The following CD3D variants were observed in gnomAD, a reference collection of about 807,000 sequenced individuals.
CD3D encodes the protein T-cell surface glycoprotein CD3 delta chain.
Under a neutral mutation model 22.0 loss-of-function variants are expected in CD3D, and 22 were observed. That is an observed-to-expected ratio of 1.00 (90% CI 0.71 to 1.43). The LOEUF (loss-of-function observed/expected upper bound fraction) is 1.43. Among genes scored for constraint, CD3D ranks in the 40% most tolerant of loss-of-function variants. CD3D has a pLI of 0.00. For missense variants in CD3D, 205 were observed against 211.7 expected, an observed-to-expected ratio of 0.97 and a Z score of 0.20; for synonymous variants, 74 against 81.2, an observed-to-expected ratio of 0.91 and a Z score of 0.48.
intron 1 of CD3D, 101 bp from the exon 2 acceptor site, chr11:118,340,694 C>A: frequency 1.2e-6 from 1 of 850,442 alleles, no homozygotes; most frequent in South Asian, 1.4e-5. Flanking sequence ...TTTTCCTGGT[C>A]CAGGACAGTT....
At chr11:118,341,496 C>T (rs1055665305) in intron 1 of CD3D, among the ~76,000 whole-genome samples, 24 of 152,198 alleles carry the variant, frequency 1.6e-4, no homozygotes, top group Non-Finnish European at 8.8e-5. Flanking sequence ...GATACAAGAG[C>T]ATCTTCTAGA....
chr11:118,340,614 C>A (rs944042008), intron 1 of CD3D, 21 bp from the exon 2 acceptor site: 42 of 1,519,064 alleles, frequency 2.8e-5, no homozygotes, highest in Non-Finnish European at 3.7e-5. Flanking sequence ...AAAAATATCA[C>A]AGTTGGAGAC....
chr11:118,342,341 T>G (rs1307139644), intron 1 of CD3D, among the ~76,000 whole-genome samples: 3 of 152,080 alleles, frequency 2.0e-5, no homozygotes, highest in African/African-American at 7.2e-5. Context: ...TGGCTAATTC[T>G]TTTGTTTTTT....
At chr11:118,339,006 C>G, downstream of CD3D, 1 of 750,728 alleles carries the variant, frequency 1.3e-6, no homozygotes. Flanking sequence ...GGTAGGAGGG[C>G]GAGATCCCAA....
In CD3D at chr11:118,340,898, T is replaced by G. The variant is rs1480937309; in HGVS notation, c.56-305A>C. ...CCTGGAAATGAATCCAGACCACTGA[T>G]GAGGAGTAGGGGGAGCACGGACCAC... On this transcript the variant is annotated intron_variant, in intron 1 of 4. Transcript: ENST00000300692. The G allele has an allele frequency of 8.5e-6, 5 of 588,490 alleles. No homozygotes were observed. In the East Asian group the frequency reaches 1.9e-4, roughly 23 times the overall value. 36.5% of individuals were successfully genotyped at this position (588,490 alleles called of 1,614,324 possible).
chr11:118,342,613 A>G lies in CD3D; in HGVS notation c.-6T>C. 2 of 1,613,310 alleles carry G rather than the reference A, an allele frequency of 1.2e-6. No homozygotes were observed. The highest frequency in any genetic ancestry group is 2.2e-5 in the East Asian group (1 of 44,866). ...AGAAACGTGCTATGTTCCATCTCCCAGCGGAACTCATCCAGTAGATAAAGC... is the reference window on the plus strand; with the variant it reads ...AGAAACGTGCTATGTTCCATCTCCCGGCGGAACTCATCCAGTAGATAAAGC... On this transcript the variant is annotated 5_prime_UTR_variant, in exon 1 of 5. Coordinates refer to ENST00000300692, the MANE Select transcript of CD3D (RefSeq NM_000732.6).
chr11:118,339,150 C>T lies in CD3D; in HGVS notation c.*12G>A. On this transcript the variant is annotated 3_prime_UTR_variant, in exon 5 of 5. Transcript: ENST00000300692. ...TGGTAATGGCTGCTTCTAGAAGCCA[C>T]CAGTCTCAGGTTCACTTGTTCCGAG... 6.2e-7 allele frequency: 1 copy of T among 1,612,378 alleles called. No individual in the cohort carries two copies. The highest frequency in any genetic ancestry group is 1.1e-5 in the South Asian group (1 of 91,052).
Position 118,339,175 on chromosome 11 carries a change from G to C in CD3D, c.503C>G (p.Ala168Gly). 1.9e-6 allele frequency: 3 copies of C among 1,614,026 alleles called. No homozygotes were observed. Among genetic ancestry groups the C allele is most frequent in the Non-Finnish European group, 2.5e-6 (3 of 1,179,934 alleles). The change falls in exon 5 of 5, where the codon GCT becomes GGT. Residue 168 changes from alanine (A) to glycine (G), a missense_variant. By Grantham distance (60) the Ala-to-Gly change is moderately conservative. Coordinates refer to ENST00000300692, the MANE Select transcript of CD3D (RefSeq NM_000732.6). Reference protein sequence around the residue: ...AQYSHLGGNWARNK With the variant: ...AQYSHLGGNWGRNK ...CCAGTCTCAGGTTCACTTGTTCCGA[G>C]CCCAGTTTCCTCCAAGGTGGCTGTA...
At chr11:118,341,571 G>A (rs1489783975) in intron 1 of CD3D, among the ~76,000 whole-genome samples, 1 of 152,204 alleles carries the variant, frequency 6.6e-6, no homozygotes, top group Non-Finnish European at 1.5e-5. Context: ...TGTATCCTCA[G>A]GGAGACACAT....
At chr11:118,340,930 AC>A in intron 1 of CD3D, 1 of 548,498 alleles carries the variant, frequency 1.8e-6, no homozygotes. Flanking sequence ...CCACTGAAGC[AC>A]CTGGAAGATG....
At position 118,342,532 on chromosome 11, in the gene CD3D, AC is replaced by A. The variant is rs755215726; in HGVS notation, c.55+20del. On this transcript the variant is annotated intron_variant, in intron 1 of 4. Transcript: ENST00000300692. ...ATGTCCCTCTCAGGTCCCTTCCCCC[AC>A]CCACCTGGAGTAGCCTTACCTTGCG... is the stretch of plus-strand genomic sequence containing the variant. The A allele has an allele frequency of 1.2e-6, 2 of 1,611,000 alleles. No homozygotes were observed. The highest frequency in any genetic ancestry group is 2.7e-5 in the African/African-American group (2 of 74,792).
chr11:118,338,979 G>A, downstream of CD3D: 1 of 672,892 alleles, frequency 1.5e-6, no homozygotes, highest in Admixed American at 2.0e-5. Flanking sequence ...GGAAGGAGAT[G>A]AAGGAAGAAA....
intron 1 of CD3D, chr11:118,340,965 C>T (rs768641637): frequency 3.4e-5 from 17 of 493,378 alleles, no homozygotes; most frequent in Admixed American, 1.6e-4. Context: ...GAACATTCCT[C>T]GATTGGAAAT....
chr11:118,339,403 C>T (rs200272778), intron 4 of CD3D, 48 bp downstream of exon 4: 16 of 1,603,724 alleles, frequency 1.0e-5, no homozygotes, highest in Non-Finnish European at 1.4e-5. Context: ...GCCTCTCTAT[C>T]CCCACTTACC....
Position 118,339,799 on chromosome 11 carries a change from G to T in CD3D, c.382C>A (p.His128Asn), listed in dbSNP as rs534530743. Residue 128 changes from histidine (H) to asparagine (N), a missense_variant, in exon 3 of 5, where the codon CAT (histidine) becomes AAT (asparagine). His to Asn is a moderately conservative substitution (Grantham distance 68). Coordinates refer to ENST00000300692, the MANE Select transcript of CD3D (RefSeq NM_000732.6). Reference sequence around the variant, plus strand: ...CCCCCAGACAGCCTTCCAGTCTCATGTCCAGCAAAGCAGAAGACTCCCAAA... The same window carrying T: ...CCCCCAGACAGCCTTCCAGTCTCATTTCCAGCAAAGCAGAAGACTCCCAAA... The part of the protein sequence containing the change: ...LALGVFCFAG[H>N]ETGRLSGAAD... The T allele has an allele frequency of 3.7e-6, 6 of 1,613,472 alleles. 1 individual carries two copies. The South Asian group carries it at 6.6e-5, about 18-fold the overall frequency.
rs367800432 is a variant in CD3D at position 118,339,173 on chromosome 11, G to A, written c.505C>T (p.Arg169Trp). Residue 169 changes from arginine to tryptophan, a missense_variant, in exon 5 of 5, where the codon CGG becomes TGG. Coordinates refer to ENST00000300692, the MANE Select transcript of CD3D (RefSeq NM_000732.6). ...CACCAGTCTCAGGTTCACTTGTTCCGAGCCCAGTTTCCTCCAAGGTGGCTG... is the reference window on the plus strand; with the variant it reads ...CACCAGTCTCAGGTTCACTTGTTCCAAGCCCAGTTTCCTCCAAGGTGGCTG... ...QYSHLGGNWA[R>W]NK The A allele has an allele frequency of 1.8e-5, 29 of 1,613,816 alleles. No individual in the cohort carries two copies. The highest frequency in any genetic ancestry group is 1.1e-4 in the African/African-American group (8 of 74,868).
chr11:118,339,511 G>C lies in CD3D; in HGVS notation c.407-17C>G, dbSNP rs561152121. The C allele has an allele frequency of 6.2e-7, 1 of 1,614,110 alleles. No individual in the cohort carries two copies. Among genetic ancestry groups the C allele is most frequent in the Non-Finnish European group, 8.5e-7 (1 of 1,180,010 alleles). ...TGTCGGCAGCTAGAAGAACCAGAGAGAGACATCAATGGCCTAGCAGATGGG... is the reference window on the plus strand; with the variant it reads ...TGTCGGCAGCTAGAAGAACCAGAGACAGACATCAATGGCCTAGCAGATGGG... On this transcript the variant is annotated splice_polypyrimidine_tract_variant and intron_variant, in intron 3 of 4. Transcript: ENST00000300692.
intron 1 of CD3D, among the ~76,000 whole-genome samples, chr11:118,341,178 A>T (rs1948296873): frequency 6.6e-6 from 1 of 152,194 alleles, no homozygotes; most frequent in African/African-American, 2.4e-5. Context: ...CCCCTGAATT[A>T]TCAGCCAAGT....
chr11:118,339,136 G>T lies in CD3D; in HGVS notation c.*26C>A. On this transcript the variant is annotated 3_prime_UTR_variant, in exon 5 of 5. Transcript: ENST00000300692. ...AGGGAAGGTACAGTTGGTAATGGCTGCTTCTAGAAGCCACCAGTCTCAGGT... is the reference window on the plus strand; with the variant it reads ...AGGGAAGGTACAGTTGGTAATGGCTTCTTCTAGAAGCCACCAGTCTCAGGT... The T allele has an allele frequency of 6.2e-7, 1 of 1,600,856 alleles. No individual in the cohort carries two copies. Among genetic ancestry groups the T allele is most frequent in the Non-Finnish European group, 8.6e-7 (1 of 1,167,956 alleles).
Sources: allele counts gnomAD v4.1 joint callset (sites outside exome capture counted in the v4.1 genomes callset), GRCh38; gene constraint gnomAD v4.1.1; transcripts MANE v1.5; gene names NCBI Gene and HGNC (gene_info 2026-07-23, HGNC 2026-07-21).